CHLSN: variants seen among roughly 807,000 people sequenced by gnomAD.
CHLSN encodes cholesin.
the CHLSN span, chr7:1,021,345 G>A: frequency 1.0e-6 from 1 of 982,708 alleles, no homozygotes; most frequent in Non-Finnish European, 1.2e-6. Context: ...TTTTCATCGT[G>A]GCAGTAGGAC....
At chr7:1,095,206 C>T in the CHLSN span, among the ~76,000 whole-genome samples, 31,406 of 151,822 alleles carry the variant, frequency 0.21, 3,513 homozygotes, top group Middle Eastern at 0.34. Context: ...GCCCCAGGGA[C>T]GAGACTTGCC....
chr7:1,039,075 C>T, the CHLSN span, among the ~76,000 whole-genome samples: 1 of 79,690 alleles, frequency 1.3e-5, no homozygotes, highest in Admixed American at 1.1e-4. Flanking sequence ...GTCAGCCCCC[C>T]TGCCCGGCCA....
At chr7:985,324 G>A in the CHLSN span, 4 of 1,549,406 alleles carry the variant, frequency 2.6e-6, no homozygotes, top group South Asian at 2.4e-5. Flanking sequence ...TGGCCTGCAG[G>A]TGAGGAGCTG....
the CHLSN span, among the ~76,000 whole-genome samples, chr7:1,105,755 C>T: frequency 1.3e-5 from 2 of 152,216 alleles, no homozygotes; most frequent in South Asian, 2.1e-4. Flanking sequence ...GCTGAGATTA[C>T]AGGCACACGC....
the CHLSN span, among the ~76,000 whole-genome samples, chr7:1,048,762 C>T: frequency 1.3e-5 from 2 of 152,198 alleles, no homozygotes; most frequent in Non-Finnish European, 2.9e-5. Flanking sequence ...CCACACCCTG[C>T]TATGGCCATG....
At chr7:1,076,811 C>T in the CHLSN span, among the ~76,000 whole-genome samples, 4 of 152,254 alleles carry the variant, frequency 2.6e-5, no homozygotes, top group Admixed American at 6.5e-5. Context: ...ACTTGCACGC[C>T]TTGCCTGGCT....
the CHLSN span, among the ~76,000 whole-genome samples, chr7:1,135,076 T>G: frequency 2.0e-4 from 30 of 152,290 alleles, no homozygotes; most frequent in African/African-American, 6.5e-4. Flanking sequence ...CCTTCTCTCT[T>G]GACAGGCATT....
chr7:1,076,386 TGCATGCTGCTCC>T, the CHLSN span, among the ~76,000 whole-genome samples: 11 of 152,164 alleles, frequency 7.2e-5, no homozygotes, highest in African/African-American at 2.7e-4. Context: ...TTCCTGAGCC[TGCATGCTGCTCC>T]GCAGGAGGCT....
At chr7:1,127,882 C>T in the CHLSN span, among the ~76,000 whole-genome samples, 1 of 73,164 alleles carries the variant, frequency 1.4e-5, no homozygotes, top group Admixed American at 1.2e-4. Context: ...AGTGCAGTGG[C>T]ACGATCTCGG....
chr7:1,075,858 C>A, the CHLSN span: 1 of 151,972 alleles, frequency 6.6e-6, no homozygotes, highest in African/African-American at 2.4e-5. Context: ...CCTCAGCCTC[C>A]CAAAGTTCTG....
chr7:1,033,588 T>C, the CHLSN span, among the ~76,000 whole-genome samples: 1 of 151,538 alleles, frequency 6.6e-6, no homozygotes, highest in Non-Finnish European at 1.5e-5. Flanking sequence ...ATCGATATAA[T>C]GCACCCTATC....
the CHLSN span, among the ~76,000 whole-genome samples, chr7:999,989 ACACGTGTAGACACACGTCATGCACACACG>A: frequency 6.6e-6 from 1 of 152,308 alleles, no homozygotes; most frequent in African/African-American, 2.4e-5. Flanking sequence ...TCACGCGCAC[ACACGTGTAGACACACGTCATGCACACACG>A]CACGTGTAGA....
chr7:1,016,572 T>TACACAGCAGCACACAGCACC, the CHLSN span, among the ~76,000 whole-genome samples: 3 of 48,024 alleles, frequency 6.2e-5, no homozygotes, highest in Non-Finnish European at 8.1e-5. Context: ...CGCACACCAG[T>TACACAGCAGCACACAGCACC]ACACAGCAGC....
the CHLSN span, among the ~76,000 whole-genome samples, chr7:1,014,412 C>A: frequency 6.6e-6 from 1 of 152,214 alleles, no homozygotes; most frequent in African/African-American, 2.4e-5. Context: ...AGCAGAGACC[C>A]AACAGCTCCT....
At chr7:1,058,942 C>T in the CHLSN span, 4 of 186,542 alleles carry the variant, frequency 2.1e-5, no homozygotes, top group Non-Finnish European at 5.1e-5. Context: ...CAAAACCCTA[C>T]GAAAGAATGG....
the CHLSN span, among the ~76,000 whole-genome samples, chr7:1,071,060 G>A: frequency 1.3e-5 from 2 of 152,238 alleles, no homozygotes; most frequent in South Asian, 2.1e-4. Flanking sequence ...CAGTGCCACC[G>A]GAGCCAGCCT....
At chr7:1,059,771 G>A in the CHLSN span, among the ~76,000 whole-genome samples, 115 of 41,376 alleles carry the variant, frequency 2.8e-3, no homozygotes, top group Non-Finnish European at 4.3e-3. Flanking sequence ...TAGTGGGGCG[G>A]GTCCGTAATG....
chr7:1,127,368 T>C, the CHLSN span: 2 of 1,607,904 alleles, frequency 1.2e-6, no homozygotes, highest in Non-Finnish European at 1.7e-6. Flanking sequence ...CAGGAACTTT[T>C]CTCTTCTGTT....
the CHLSN span, among the ~76,000 whole-genome samples, chr7:1,070,640 GAC>G: frequency 5.3e-3 from 714 of 135,914 alleles, 6 homozygotes; most frequent in Non-Finnish European, 8.0e-3. Context: ...CACGCACACG[GAC>G]ACACATGCAC....
Sources: gnomAD v4.1 joint callset for allele counts (sites outside exome capture counted in the v4.1 genomes callset) on GRCh38, gnomAD v4.1.1 for gene constraint, MANE v1.5 for transcripts, NCBI Gene and HGNC (gene_info 2026-07-23, HGNC 2026-07-21) for gene names.